Variants in CR2 observed in about 807,000 individuals in gnomAD.
CR2 encodes the protein complement C3d receptor 2.
In CR2, 96 loss-of-function variants were observed where a neutral mutation model predicts 123.0. That is an observed-to-expected ratio of 0.78 (90% CI 0.66 to 0.93). The LOEUF (loss-of-function observed/expected upper bound fraction) is 0.93. Ranked by LOEUF, CR2 falls within the 40% of genes least tolerant of loss-of-function variation. CR2 has a pLI of 0.00. For synonymous variants in CR2, 484 were observed against 469.5 expected, an observed-to-expected ratio of 1.03 and a Z score of -0.40; for missense variants, 1,258 against 1,361.0, an observed-to-expected ratio of 0.92 and a Z score of 1.19.
At position 207,472,759 on chromosome 1, in the gene CR2, TTCATCTC is replaced by T; in HGVS notation, c.1571-10_1571-4del. Reference sequence around the variant, plus strand: ...CAGGAACTCAATTCTACAGTATCTTTTCATCTCTCTAGAAATCACCTGCCCACCACCC... The same window carrying T: ...CAGGAACTCAATTCTACAGTATCTTTTCTAGAAATCACCTGCCCACCACCC... On this transcript the variant is annotated splice_region_variant and splice_polypyrimidine_tract_variant and intron_variant, in intron 9 of 19. Coordinates refer to ENST00000367057, the MANE Select transcript of CR2 (RefSeq NM_001006658.3). 6.2e-7 allele frequency: 1 copy of T among 1,612,704 alleles called. No homozygotes were observed. The highest frequency in any genetic ancestry group is 1.1e-5 in the South Asian group (1 of 91,068).
chr1:207,487,663 C>T (rs1266470071), intron 19 of CR2, among the ~76,000 whole-genome samples: 5 of 152,054 alleles, frequency 3.3e-5, no homozygotes, highest in Non-Finnish European at 5.9e-5. Context: ...GGAGAAATAG[C>T]AGTTATGCCC....
At position 207,489,302 on chromosome 1, in the gene CR2, T is replaced by C. The variant is rs1328928340; in HGVS notation, c.*179T>C. Reference sequence around the variant, plus strand: ...AAGAAGAACATCTTTATGGTAAAGATGGGAGCCCAGTTTCACTGCCATATA... The same window carrying C: ...AAGAAGAACATCTTTATGGTAAAGACGGGAGCCCAGTTTCACTGCCATATA... On this transcript the variant is annotated 3_prime_UTR_variant, in exon 20 of 20. Transcript: ENST00000367057. 1 of 152,230 alleles carries C rather than the reference T, an allele frequency of 6.6e-6. No homozygotes were observed. The highest frequency in any genetic ancestry group is 1.9e-4 in the East Asian group (1 of 5,198). The allele number at this position is 152,230 out of a possible 1,614,324, so 9.4% of individuals were successfully genotyped here. A position where few individuals can be genotyped will look rare whatever the true frequency, so the allele number is the denominator to read the frequency against.
intron 1 of CR2, among the ~76,000 whole-genome samples, chr1:207,457,866 C>G (rs1273974248): frequency 1.3e-5 from 2 of 152,006 alleles, no homozygotes; most frequent in Non-Finnish European, 2.9e-5. Context: ...TCCTAAAAAA[C>G]CTCAACTCAT....
rs775903277 is a variant in CR2 at position 207,473,923 on chromosome 1, A to G, written c.2240+38A>G. On this transcript the variant is annotated intron_variant, in intron 12 of 19. Coordinates refer to ENST00000367057, the MANE Select transcript of CR2 (RefSeq NM_001006658.3). ...TGGTCTATTCTGAGAAAAGGTCTCA[A>G]CCTTGTTTTGTGGATTAACTTGACC... 4 of 1,588,192 alleles carry G rather than the reference A, an allele frequency of 2.5e-6. No homozygotes were observed. The African/African-American group carries it at 4.0e-5, about 16-fold the overall frequency.
intron 14 of CR2, among the ~76,000 whole-genome samples, chr1:207,476,000 T>C (rs930588339): frequency 4.6e-5 from 7 of 152,264 alleles, no homozygotes; most frequent in South Asian, 2.1e-4. Context: ...ACTGTATCCA[T>C]TAATGTTTCA....
rs562373961 is a variant in CR2, at chr1:207,468,944, G to A, written c.734+45G>A. On this transcript the variant is annotated intron_variant, in intron 4 of 19. Coordinates refer to ENST00000367057, the MANE Select transcript of CR2 (RefSeq NM_001006658.3). ...ATGAGATTTAATTCATTTGTCTTGT[G>A]TGTGCGTGGTGTGGACTGTGAAACC... 31 of 1,587,238 alleles carry A rather than the reference G, an allele frequency of 2.0e-5. 2 individuals carry two copies. The South Asian group carries it at 2.7e-4, about 14-fold the overall frequency.
At chr1:207,472,593 T>A (rs1254309948) in intron 9 of CR2, among the ~76,000 whole-genome samples, 179 bp from the exon 10 acceptor site, 1 of 152,230 alleles carries the variant, frequency 6.6e-6, no homozygotes, top group Non-Finnish European at 1.5e-5. Context: ...TTCTTTCCTA[T>A]GAAATGTGTT....
In CR2 at chr1:207,466,506, G is replaced by A. The variant is rs777500765; in HGVS notation, c.59-20G>A. 7.4e-6 allele frequency: 12 copies of A among 1,613,688 alleles called. No individual in the cohort carries two copies. In the African/African-American group the frequency reaches 1.6e-4, roughly 22 times the overall value. ...TCACCATGATCAGTATGCCTACCAAGTTCCTTTTCTACTTTTCAGGGATTT... is the reference window on the plus strand; with the variant it reads ...TCACCATGATCAGTATGCCTACCAAATTCCTTTTCTACTTTTCAGGGATTT... On this transcript the variant is annotated intron_variant, in intron 1 of 19. Coordinates refer to ENST00000367057, the MANE Select transcript of CR2 (RefSeq NM_001006658.3).
At position 207,469,247 on chromosome 1, in the gene CR2, T is replaced by C. The variant is rs1658195263; in HGVS notation, c.817+15T>C. On this transcript the variant is annotated intron_variant, in intron 5 of 19. Transcript: ENST00000367057. ...AGTATGTGAAGGTAGGCTAGGCAAC[T>C]ATGGTCTGACAGCACTGCATTCTCA... The C allele has an allele frequency of 4.4e-6, 7 of 1,605,310 alleles. No homozygotes were observed. Among genetic ancestry groups the C allele is most frequent in the Non-Finnish European group, 5.1e-6 (6 of 1,172,162 alleles).
chr1:207,474,200 T>C lies in CR2; in HGVS notation c.2241-41T>C, dbSNP rs536681878. On this transcript the variant is annotated intron_variant, in intron 12 of 19. Transcript: ENST00000367057. ...TTGCATGCAGTTTGAAGAGATATGA[T>C]ATTGGGAACAGGAAATGCATTATAA... The C allele has an allele frequency of 3.6e-5, 51 of 1,430,200 alleles. No individual in the cohort carries two copies. The South Asian group carries it at 4.7e-4, about 13-fold the overall frequency. 88.6% of individuals were successfully genotyped at this position (1,430,200 alleles called of 1,614,324 possible).
chr1:207,473,308 A>G (rs1181165707), intron 10 of CR2, 129 bp downstream of exon 10: 18 of 1,183,888 alleles, frequency 1.5e-5, no homozygotes, highest in Non-Finnish European at 2.1e-5. Context: ...CTTCCATCCT[A>G]TAATAGATGT....
At chr1:207,468,091 T>G (rs1171424378) in intron 2 of CR2, among the ~76,000 whole-genome samples, 1 of 152,112 alleles carries the variant, frequency 6.6e-6, no homozygotes, top group Non-Finnish European at 1.5e-5. Flanking sequence ...AAAAATAAGG[T>G]ACTATTTATG....
chr1:207,480,813 T>G (rs1367523719), intron 18 of CR2, among the ~76,000 whole-genome samples: 2 of 152,142 alleles, frequency 1.3e-5, no homozygotes, highest in African/African-American at 2.4e-5. Context: ...TACCTTTATG[T>G]TATTATATCT....
chr1:207,470,690 T>C (rs1658244838), intron 6 of CR2, 50 bp from the exon 7 acceptor site: 2 of 1,568,664 alleles, frequency 1.3e-6, no homozygotes, highest in African/African-American at 1.4e-5. Flanking sequence ...AGTTTCTTTC[T>C]GTGGTTGTTT....
Position 207,480,019 on chromosome 1 carries a change from A to C in CR2, c.3154A>C (p.Ile1052Leu), listed in dbSNP as rs17618. Residue 1052 changes from isoleucine to leucine, a missense_variant, in exon 18 of 20, where the codon ATT (isoleucine) becomes CTT (leucine). Coordinates refer to ENST00000367057, the MANE Select transcript of CR2 (RefSeq NM_001006658.3). The part of the protein sequence containing the change: ...GLILLTFLIV[I>L]TLYVISKHRA... ...GATACTTCTTACCTTCTTGATTGTCATTACCTTATACGTGATATCAAAACA... is the reference window on the plus strand; with the variant it reads ...GATACTTCTTACCTTCTTGATTGTCCTTACCTTATACGTGATATCAAAACA... 1.2e-6 allele frequency: 2 copies of C among 1,612,974 alleles called. No individual in the cohort carries two copies. The highest frequency in any genetic ancestry group is 2.2e-5 in the South Asian group (2 of 91,060).
Position 207,473,469 on chromosome 1 carries a change from C to A in CR2, c.1979-76C>A, listed in dbSNP as rs1172765991. On this transcript the variant is annotated intron_variant, in intron 10 of 19. Coordinates refer to ENST00000367057, the MANE Select transcript of CR2 (RefSeq NM_001006658.3). ...GGCATCAGAGTTTCAGACTGTCTGT[C>A]CAATGTTGTACACTTAGTGTTCTTG... 5 of 1,432,898 alleles carry A rather than the reference C, an allele frequency of 3.5e-6. No homozygotes were observed. In the African/African-American group the frequency reaches 7.1e-5, roughly 20 times the overall value. 88.8% of individuals were successfully genotyped at this position (1,432,898 alleles called of 1,614,324 possible). A position where few individuals can be genotyped will look rare whatever the true frequency, so the allele number is the denominator to read the frequency against.
At chr1:207,481,559 C>A (rs1434661378) in intron 18 of CR2, among the ~76,000 whole-genome samples, 2 of 151,960 alleles carry the variant, frequency 1.3e-5, no homozygotes, top group African/African-American at 4.8e-5. Flanking sequence ...CCTCCCATAC[C>A]CTAGAAAAAT....
chr1:207,485,398 C>A, intron 18 of CR2, 66 bp from the exon 19 acceptor site: 1 of 1,020,112 alleles, frequency 9.8e-7, no homozygotes, highest in Non-Finnish European at 1.6e-6. Flanking sequence ...GGAAAGCAAA[C>A]AACTGCTACA....
Position 207,474,776 on chromosome 1 carries a change from C to T in CR2, c.2324-48C>T, listed in dbSNP as rs777465866. The T allele has an allele frequency of 5.6e-6, 9 of 1,597,164 alleles. No homozygotes were observed. In the Admixed American group the frequency reaches 8.3e-5, roughly 15 times the overall value. On this transcript the variant is annotated intron_variant, in intron 13 of 19. Coordinates refer to ENST00000367057, the MANE Select transcript of CR2 (RefSeq NM_001006658.3). ...CATTTGTACCTGAATGAAGACCGCT[C>T]ACCTTGAGGTACTAGCTGAAGTAGA...
Sources: allele counts gnomAD v4.1 joint callset (sites outside exome capture counted in the v4.1 genomes callset), GRCh38; gene constraint gnomAD v4.1.1; transcripts MANE v1.5; gene names NCBI Gene and HGNC (gene_info 2026-07-23, HGNC 2026-07-21).